The following CREB5 variants were observed in gnomAD, a reference collection of about 807,000 sequenced individuals.
CREB5 encodes the protein cAMP responsive element binding protein 5, also known as cyclic AMP-responsive element-binding protein 5.
In CREB5, 19 loss-of-function variants were observed where a neutral mutation model predicts 57.1. That is an observed-to-expected ratio of 0.33 (90% confidence interval 0.23 to 0.49). The LOEUF (loss-of-function observed/expected upper bound fraction) is 0.49, where lower values mean the gene tolerates loss of function less well. CREB5 is among the 20% of genes least tolerant of loss of function. The pLI is 0.99. For missense variants in CREB5, 579 were observed against 671.6 expected (o/e 0.86, Z 1.52); for synonymous variants, 238 against 238.3 (o/e 1.00, Z 0.01).
At chr7:28,445,787 A>G (rs10247321) in intron 1 of CREB5, among the ~76,000 whole-genome samples, 103,553 of 150,890 alleles carry the variant, frequency 0.69, 36,190 homozygotes, top group East Asian at 0.91. Context: ...TTCTGACCTC[A>G]TGATCCGCCT....
rs371106270 is a variant in CREB5 at position 28,560,959 on chromosome 7, T to TGC, written c.292-9404_292-9403dup. ...GTGCGTGCGTGTGTGTGCGTGTGTGTGCGTGTGTGTGTGCGTGTGTGCGTG... is the reference window on the plus strand; with the variant it reads ...GTGCGTGCGTGTGTGTGCGTGTGTGTGCGCGTGTGTGTGTGCGTGTGTGCGTG... On this transcript the variant is annotated intron_variant, in intron 4 of 10. Transcript: ENST00000357727. Among the ~76,000 whole-genome samples, 51 of 32,142 alleles carry TGC rather than the reference T, an allele frequency of 1.6e-3. 2 individuals carry two copies. The highest frequency in any genetic ancestry group is 2.7e-3 in the African/African-American group (18 of 6,608). 21.1% of individuals were successfully genotyped at this position (32,142 alleles called of 152,430 possible). A position where few individuals can be genotyped will look rare whatever the true frequency, so the allele number is the denominator to read the frequency against.
intron 7 of CREB5, among the ~76,000 whole-genome samples, chr7:28,783,836 T>C (rs950410763): frequency 3.3e-5 from 5 of 152,230 alleles, no homozygotes; most frequent in Non-Finnish European, 5.9e-5. Context: ...AAGCAGGCCC[T>C]TGATAAACTT....
At chr7:28,495,957 T>A (rs533524670) in intron 3 of CREB5, among the ~76,000 whole-genome samples, 1 of 151,234 alleles carries the variant, frequency 6.6e-6, no homozygotes, top group East Asian at 1.9e-4. Flanking sequence ...TTTTGAGAGG[T>A]AGTACGGCAA....
At chr7:28,351,866 A>C (rs1253479647) in intron 1 of CREB5, among the ~76,000 whole-genome samples, 1 of 152,204 alleles carries the variant, frequency 6.6e-6, no homozygotes, top group African/African-American at 2.4e-5. Context: ...TTTGGTAATA[A>C]AGGGATAGTG....
chr7:28,593,656 T>A lies in CREB5; in HGVS notation c.464+23119T>A, dbSNP rs868153344. Reference sequence around the variant, plus strand: ...GAATATAATCTAAAGAAATGGTGAATGAGCTTTGCATTTATTTCCACATGA... The same window carrying A: ...GAATATAATCTAAAGAAATGGTGAAAGAGCTTTGCATTTATTTCCACATGA... On this transcript the variant is annotated intron_variant, in intron 5 of 10. Coordinates refer to ENST00000357727, the MANE Select transcript of CREB5 (RefSeq NM_182898.4). Among the ~76,000 whole-genome samples, 3 of 152,332 alleles carry A rather than the reference T, an allele frequency of 2.0e-5. No homozygotes were observed. The South Asian group carries it at 6.2e-4, about 32-fold the overall frequency.
chr7:28,530,509 A>AGG (rs1793678438), intron 4 of CREB5, among the ~76,000 whole-genome samples: 1 of 152,220 alleles, frequency 6.6e-6, no homozygotes, highest in East Asian at 1.9e-4. Context: ...ATGATCCCAT[A>AGG]AAAAGCTGCC....
chr7:28,467,699 A>C (rs1300767017), intron 1 of CREB5, among the ~76,000 whole-genome samples: 2 of 152,136 alleles, frequency 1.3e-5, no homozygotes, highest in Non-Finnish European at 2.9e-5. Flanking sequence ...GCAAATGTAA[A>C]TGTTCCCTAG....
At chr7:28,598,939 A>C (rs1258892271) in intron 5 of CREB5, among the ~76,000 whole-genome samples, 1 of 152,212 alleles carries the variant, frequency 6.6e-6, no homozygotes, top group Non-Finnish European at 1.5e-5. Flanking sequence ...GTGACTTGCA[A>C]CAGGCAAAAT....
chr7:28,600,933 C>G (rs1229891702), intron 5 of CREB5, among the ~76,000 whole-genome samples: 1 of 152,112 alleles, frequency 6.6e-6, no homozygotes. Flanking sequence ...TTCCCTGCCC[C>G]CCTAAGATTT....
chr7:28,395,616 T>C (rs1787319250), intron 1 of CREB5, among the ~76,000 whole-genome samples: 1 of 152,196 alleles, frequency 6.6e-6, no homozygotes, highest in South Asian at 2.1e-4. Context: ...TTGGTTTACA[T>C]TGTGTACTAC....
At chr7:28,749,434 C>G (rs552646442) in intron 7 of CREB5, 4 of 152,188 alleles carry the variant, frequency 2.6e-5, no homozygotes, top group African/African-American at 9.7e-5. Context: ...CTGCTGCAAA[C>G]CCATTGAGTG....
At chr7:28,384,234 C>G (rs1274943361) in intron 1 of CREB5, among the ~76,000 whole-genome samples, 1 of 152,202 alleles carries the variant, frequency 6.6e-6, no homozygotes, top group Non-Finnish European at 1.5e-5. Context: ...GCAAGATTAA[C>G]AATGGCAACC....
At chr7:28,788,096 G>A (rs892315979) in intron 7 of CREB5, among the ~76,000 whole-genome samples, 2 of 152,108 alleles carry the variant, frequency 1.3e-5, no homozygotes, top group African/African-American at 4.8e-5. Context: ...TGGCTGTCAG[G>A]TTAAGGCAAG....
intron 1 of CREB5, among the ~76,000 whole-genome samples, chr7:28,377,519 C>G (rs1482282880): frequency 6.6e-6 from 1 of 151,864 alleles, no homozygotes; most frequent in Non-Finnish European, 1.5e-5. Context: ...AGTCTTTACC[C>G]TCTTTAAAAT....
intron 1 of CREB5, among the ~76,000 whole-genome samples, chr7:28,441,332 A>G (rs1789175857): frequency 1.3e-5 from 2 of 152,232 alleles, no homozygotes; most frequent in South Asian, 4.1e-4. Context: ...GCACAGAGAG[A>G]TCTTTACCAC....
chr7:28,405,288 A>G (rs919886189), intron 1 of CREB5, among the ~76,000 whole-genome samples: 6 of 152,230 alleles, frequency 3.9e-5, no homozygotes, highest in African/African-American at 1.4e-4. Context: ...AATTTAGTTA[A>G]GAAAAGCCTA....
Position 28,560,915 on chromosome 7 carries a change from C to CGTGT in CREB5, c.292-9446_292-9443dup, listed in dbSNP as rs1272052332. ...GTGTGTGCGTGCGCGCGTGCGTGTG[C>CGTGT]GTGTGTGCGCGTGCGTGTGTGCGTG... On this transcript the variant is annotated intron_variant, in intron 4 of 10. Coordinates refer to ENST00000357727, the MANE Select transcript of CREB5 (RefSeq NM_182898.4). Among the ~76,000 whole-genome samples the CGTGT allele has an allele frequency of 2.0e-3, 34 of 16,880 alleles. 1 individual carries two copies. Among genetic ancestry groups the CGTGT allele is most frequent in the African/African-American group, 6.9e-3 (25 of 3,602 alleles). The allele number at this position is 16,880 out of a possible 152,430, so 11.1% of individuals were successfully genotyped here.
chr7:28,813,651 G>A (rs1435577247), intron 9 of CREB5, among the ~76,000 whole-genome samples: 1 of 152,168 alleles, frequency 6.6e-6, no homozygotes, highest in East Asian at 1.9e-4. Flanking sequence ...AAGCATTGTG[G>A]ATTTATCATA....
At chr7:28,446,871 T>A (rs1583472611) in intron 1 of CREB5, among the ~76,000 whole-genome samples, 1 of 152,306 alleles carries the variant, frequency 6.6e-6, no homozygotes, top group East Asian at 1.9e-4. Context: ...GTTAAAGTCA[T>A]TTATTGAGAG....
Sources: allele counts gnomAD v4.1 joint callset (sites outside exome capture counted in the v4.1 genomes callset), GRCh38; gene constraint gnomAD v4.1.1; transcripts MANE v1.5; gene names NCBI Gene and HGNC (gene_info 2026-07-23, HGNC 2026-07-21).